The following HNRNPH1 variants were observed in gnomAD, a reference collection of about 807,000 sequenced individuals.
HNRNPH1 encodes heterogeneous nuclear ribonucleoprotein H1.
In HNRNPH1, 4 loss-of-function variants were observed where a neutral mutation model predicts 58.6. The ratio of observed to expected loss-of-function variants is 0.07; its 90% confidence interval spans 0.03 to 0.16. HNRNPH1 has a LOEUF of 0.16. Among genes scored for constraint, HNRNPH1 ranks in the 10% least tolerant of loss-of-function variants. The pLI is 1.00. For synonymous variants in HNRNPH1, 192 were observed against 189.2 expected, an observed-to-expected ratio of 1.01 and a Z score of -0.12; for missense variants, 271 against 564.2, an observed-to-expected ratio of 0.48 and a Z score of 5.26.
upstream of HNRNPH1, among the ~76,000 whole-genome samples, chr5:179,627,026 C>T (rs187562630): frequency 5.9e-5 from 9 of 152,192 alleles, no homozygotes; most frequent in African/African-American, 1.7e-4. Context: ...CATGATCCGC[C>T]CACCTCGGGC....
chr5:179,615,344 G>A (rs1035465376), intron 12 of HNRNPH1: 1 of 485,136 alleles, frequency 2.1e-6, no homozygotes, highest in Non-Finnish European at 3.7e-6. Flanking sequence ...TTTGAGAAAA[G>A]GGAGCACAGG....
At chr5:179,623,138 T>C in exon 1 of HNRNPH1, 2 of 1,599,148 alleles carry the variant, frequency 1.3e-6, no homozygotes, top group Non-Finnish European at 1.7e-6. Context: ...CATCATCGTC[T>C]CTTACGCGGT....
At chr5:179,631,168 A>G (rs1774800065) in intron 2 of HNRNPH1, among the ~76,000 whole-genome samples, 1 of 149,188 alleles carries the variant, frequency 6.7e-6, no homozygotes, top group South Asian at 2.1e-4. Flanking sequence ...TAGGTAACAT[A>G]ATGGTTTGTT....
At chr5:179,628,233 T>A (rs1249599773), upstream of HNRNPH1, among the ~76,000 whole-genome samples, 1 of 152,220 alleles carries the variant, frequency 6.6e-6, no homozygotes, top group African/African-American at 2.4e-5. Context: ...CCCTTTCCCA[T>A]CCAGAGATTG....
At chr5:179,631,335 C>T (rs1007491579) in intron 2 of HNRNPH1, among the ~76,000 whole-genome samples, 4 of 151,984 alleles carry the variant, frequency 2.6e-5, no homozygotes, top group African/African-American at 4.8e-5. Context: ...ATCTAGGTTC[C>T]GTGTGGTGGC....
intron 10 of HNRNPH1, chr5:179,616,535 A>T: frequency 1.9e-6 from 1 of 513,490 alleles, no homozygotes; most frequent in Non-Finnish European, 3.5e-6. Context: ...CCTCAGTTTG[A>T]TACATCAAAG....
At chr5:179,626,401 G>A (rs543195855), upstream of HNRNPH1, among the ~76,000 whole-genome samples, 44 of 151,364 alleles carry the variant, frequency 2.9e-4, no homozygotes, top group Middle Eastern at 3.4e-3. Flanking sequence ...CACCATGCTC[G>A]GCCAAAGGTT....
At chr5:179,630,190 A>C (rs920707776) in intron 2 of HNRNPH1, among the ~76,000 whole-genome samples, 40 of 151,854 alleles carry the variant, frequency 2.6e-4, no homozygotes, top group African/African-American at 9.4e-4. Context: ...CTCTACTAAA[A>C]ATACAAAAAT....
intron 4 of HNRNPH1, 149 bp from the exon 6 acceptor site, chr5:179,618,472 C>A: frequency 1.6e-5 from 8 of 485,896 alleles, no homozygotes; most frequent in South Asian, 1.0e-4. Flanking sequence ...TTTGCATAGG[C>A]AATGACCAGA....
At chr5:179,616,939 G>C in exon 10 of HNRNPH1, 3 of 1,606,568 alleles carry the variant, frequency 1.9e-6, no homozygotes, top group Non-Finnish European at 2.6e-6. Flanking sequence ...AATTCAAGAA[G>C]AGTTCTACAT....
intron 4 of HNRNPH1, 83 bp downstream of exon 5, chr5:179,619,185 AT>A (rs2127648939): frequency 8.1e-7 from 1 of 1,230,280 alleles, no homozygotes; most frequent in South Asian, 1.7e-5. Context: ...CAAAACATTA[AT>A]TTCTTCTTTT....
upstream of HNRNPH1, among the ~76,000 whole-genome samples, chr5:179,628,973 T>TCC: frequency 6.6e-6 from 1 of 151,666 alleles, no homozygotes; most frequent in East Asian, 2.0e-4. Context: ...AGAGCGAGAC[T>TCC]GTGCCTCAAA....
upstream of HNRNPH1, among the ~76,000 whole-genome samples, chr5:179,627,166 A>T (rs2127733841): frequency 6.6e-6 from 1 of 152,142 alleles, no homozygotes; most frequent in East Asian, 1.9e-4. Context: ...CATTCTTCTC[A>T]GTTTGCTTAC....
chr5:179,633,533 C>A (rs937052908), intron 2 of HNRNPH1, among the ~76,000 whole-genome samples: 7 of 142,298 alleles, frequency 4.9e-5, no homozygotes, highest in African/African-American at 1.8e-4. Context: ...GGGATGGTAT[C>A]CATCTCCTGA....
intron 1 of HNRNPH1, 163 bp from the exon 3 acceptor site, chr5:179,621,560 AAAAC>A (rs1016468164): frequency 3.3e-5 from 20 of 606,304 alleles, no homozygotes; most frequent in South Asian, 1.1e-4. Context: ...CAATTAAAAA[AAAAC>A]AAACTCATTC....
At position 179,614,964 on chromosome 5, in the gene HNRNPH1, A is replaced by T; in HGVS notation, c.*1-5T>A. On this transcript the variant is annotated splice_region_variant and splice_polypyrimidine_tract_variant and intron_variant, in intron 12 of 12. Transcript: ENST00000356731. ...TGTTCACTGCTCCTTGGTTACCTGC[A>T]AAGAGATCAATTTGACAAGTTAGGA... 1 of 1,487,530 alleles carries T rather than the reference A, an allele frequency of 6.7e-7. No individual in the cohort carries two copies. The highest frequency in any genetic ancestry group is 9.2e-7 in the Non-Finnish European group (1 of 1,089,530). The allele number at this position is 1,487,530 out of a possible 1,614,324, so 92.1% of individuals were successfully genotyped here.
intron 2 of HNRNPH1, among the ~76,000 whole-genome samples, chr5:179,632,150 CA>C (rs1224523260): frequency 2.0e-5 from 3 of 151,640 alleles, no homozygotes; most frequent in Non-Finnish European, 2.9e-5. Flanking sequence ...ACTAAAAATA[CA>C]AAAAAAATTA....
chr5:179,621,596 C>A (rs981125492), intron 1 of HNRNPH1, 199 bp from the exon 3 acceptor site: 5 of 575,106 alleles, frequency 8.7e-6, no homozygotes, highest in Non-Finnish European at 6.1e-6. Context: ...TATTTCCAAC[C>A]CATCAACAAC....
chr5:179,622,927 G>T (rs1773315277), intron 1 of HNRNPH1, 110 bp downstream of exon 2: 3 of 129,058 alleles, frequency 2.3e-5, no homozygotes, highest in South Asian at 2.4e-4. Context: ...GGTCCCACCC[G>T]GCCCGGCCCG....
Sources: allele counts gnomAD v4.1 joint callset (sites outside exome capture counted in the v4.1 genomes callset), GRCh38; gene constraint gnomAD v4.1.1; transcripts MANE v1.5; gene names NCBI Gene and HGNC (gene_info 2026-07-23, HGNC 2026-07-21).